The following CSMD1 variants were observed in gnomAD, a reference collection of about 807,000 sequenced individuals.
CSMD1 encodes CUB and sushi domain-containing protein 1.
A neutral mutation model predicts 417.5 loss-of-function variants in CSMD1; 213 were observed. That is an observed-to-expected ratio of 0.51 (90% CI 0.46 to 0.57). The LOEUF is 0.57. Among genes scored for constraint, CSMD1 ranks in the 20% least tolerant of loss-of-function variants. The pLI is 0.00. For missense variants in CSMD1, 6,923 were observed against 4,529.7 expected (o/e 1.53, Z -15.17); for synonymous variants, 2,862 against 1,736.8 (o/e 1.65, Z -16.11).
At chr8:3,510,257 C>G (rs1386093146) in intron 10 of CSMD1, among the ~76,000 whole-genome samples, 1 of 151,828 alleles carries the variant, frequency 6.6e-6, no homozygotes, top group Non-Finnish European at 1.5e-5. Context: ...TGCGCCGCGT[C>G]CCTTGCCTGC....
At chr8:3,730,602 T>G (rs968400186) in intron 6 of CSMD1, among the ~76,000 whole-genome samples, 1 of 152,118 alleles carries the variant, frequency 6.6e-6, no homozygotes, top group Non-Finnish European at 1.5e-5. Context: ...AGTGCCTACA[T>G]GTGCACCTCT....
chr8:4,407,056 G>T (rs1030483699), intron 3 of CSMD1, among the ~76,000 whole-genome samples: 1 of 152,108 alleles, frequency 6.6e-6, no homozygotes, highest in African/African-American at 2.4e-5. Context: ...ATTGAAACAC[G>T]GCCAAGGTCA....
At chr8:3,011,067 T>C (rs991082415) in intron 52 of CSMD1, among the ~76,000 whole-genome samples, 8 of 152,226 alleles carry the variant, frequency 5.3e-5, no homozygotes, top group African/African-American at 1.4e-4. Flanking sequence ...ATTTACCTTA[T>C]TTACTCCTTA....
chr8:3,955,683 A>G (rs998608573), intron 5 of CSMD1, among the ~76,000 whole-genome samples: 1 of 152,168 alleles, frequency 6.6e-6, no homozygotes, highest in Admixed American at 6.5e-5. Flanking sequence ...TCAGAGGATG[A>G]GGAAAGAGGA....
intron 37 of CSMD1, among the ~76,000 whole-genome samples, chr8:3,176,323 T>C (rs970021553): frequency 5.9e-5 from 9 of 151,986 alleles, no homozygotes; most frequent in African/African-American, 2.2e-4. Flanking sequence ...AATTCTGTAA[T>C]TTATCTGTGA....
chr8:4,227,952 C>T (rs1801460354), intron 3 of CSMD1, among the ~76,000 whole-genome samples: 1 of 151,092 alleles, frequency 6.6e-6, no homozygotes, highest in African/African-American at 2.4e-5. Flanking sequence ...CTCCATCCTG[C>T]ATTCAATCCC....
chr8:4,855,256 C>A (rs1563598250), intron 1 of CSMD1, among the ~76,000 whole-genome samples: 1 of 151,254 alleles, frequency 6.6e-6, no homozygotes, highest in Non-Finnish European at 1.5e-5. Context: ...CATCAAAAAC[C>A]CATCTGTACA....
chr8:4,845,344 G>A (rs1801080747), intron 1 of CSMD1, among the ~76,000 whole-genome samples: 1 of 152,084 alleles, frequency 6.6e-6, no homozygotes, highest in African/African-American at 2.4e-5. Flanking sequence ...AGCTAGCCAG[G>A]GGATACATAT....
intron 5 of CSMD1, among the ~76,000 whole-genome samples, chr8:3,866,319 T>G (rs957176228): frequency 1.3e-5 from 2 of 152,252 alleles, no homozygotes; most frequent in African/African-American, 4.8e-5. Flanking sequence ...AAAGGCTGGC[T>G]GAACCCTGGG....
At chr8:3,818,420 A>T (rs564537468) in intron 5 of CSMD1, among the ~76,000 whole-genome samples, 1 of 152,268 alleles carries the variant, frequency 6.6e-6, no homozygotes, top group Non-Finnish European at 1.5e-5. Flanking sequence ...AGCACCAAAC[A>T]ATTATTAACT....
At chr8:3,412,662 C>G (rs1487905579) in intron 12 of CSMD1, among the ~76,000 whole-genome samples, 1 of 152,184 alleles carries the variant, frequency 6.6e-6, no homozygotes, top group Non-Finnish European at 1.5e-5. Flanking sequence ...GGCTACCAAA[C>G]AAAGATGATC....
At chr8:4,059,640 T>C (rs1407750616) in intron 3 of CSMD1, among the ~76,000 whole-genome samples, 3 of 152,046 alleles carry the variant, frequency 2.0e-5, no homozygotes, top group African/African-American at 7.2e-5. Context: ...AAATACAAAC[T>C]GCCATCAGAG....
At chr8:3,354,706 T>C (rs1022990147) in intron 21 of CSMD1, among the ~76,000 whole-genome samples, 2 of 151,626 alleles carry the variant, frequency 1.3e-5, no homozygotes, top group African/African-American at 4.8e-5. Flanking sequence ...GAAACTAACA[T>C]TTTAGCTTAG....
At position 3,525,621 on chromosome 8, in the gene CSMD1, C is replaced by T. The variant is rs191611958; in HGVS notation, c.1345-31895G>A. On this transcript the variant is annotated intron_variant, in intron 10 of 69. Coordinates refer to ENST00000635120, the MANE Select transcript of CSMD1 (RefSeq NM_033225.6). Reference sequence around the variant, plus strand: ...CTAGGAGGGCATCGTATCTTCAAAACCTCTTGCCTGACATTCTATCAATCT... The same window carrying T: ...CTAGGAGGGCATCGTATCTTCAAAATCTCTTGCCTGACATTCTATCAATCT... Among the ~76,000 whole-genome samples, 6 of 152,260 alleles carry T rather than the reference C, an allele frequency of 3.9e-5. No homozygotes were observed. The East Asian group carries it at 5.8e-4, about 15-fold the overall frequency.
chr8:4,250,199 CCTGGT>C (rs1802969368), intron 3 of CSMD1, among the ~76,000 whole-genome samples: 1 of 152,152 alleles, frequency 6.6e-6, no homozygotes, highest in African/African-American at 2.4e-5. Flanking sequence ...TTACAAAGTA[CCTGGT>C]CTGTAGTATT....
intron 5 of CSMD1, among the ~76,000 whole-genome samples, chr8:3,791,169 T>G (rs2129067633): frequency 6.6e-6 from 1 of 152,292 alleles, no homozygotes; most frequent in South Asian, 2.1e-4. Flanking sequence ...TACTTATATT[T>G]TAGGAGCATT....
At chr8:4,064,906 C>A (rs1038108750) in intron 3 of CSMD1, among the ~76,000 whole-genome samples, 9 of 149,638 alleles carry the variant, frequency 6.0e-5, no homozygotes, top group Non-Finnish European at 1.3e-4. Context: ...GTGGTCAATT[C>A]CATTGAGAAT....
rs1799465814 is a variant in CSMD1, at chr8:3,677,988, G to A, written c.1009+30426C>T. 2.6e-5 allele frequency among the ~76,000 whole-genome samples: 4 copies of A among 152,256 alleles called. No homozygotes were observed. The South Asian group carries it at 8.3e-4, about 32-fold the overall frequency. ...CACTGACTTGGTGCAGGGACTCACA[G>A]CCTCCATCTGGGGTGTCTGCCTATC... On this transcript the variant is annotated intron_variant, in intron 7 of 69. Coordinates refer to ENST00000635120, the MANE Select transcript of CSMD1 (RefSeq NM_033225.6).
At position 4,513,926 on chromosome 8, in the gene CSMD1, T is replaced by G. The variant is rs56169508; in HGVS notation, c.303-93861A>C. Among the ~76,000 whole-genome samples the G allele has an allele frequency of 3.4e-4, 52 of 152,272 alleles. 1 individual carries two copies. Among genetic ancestry groups the G allele is most frequent in the African/African-American group, 1.2e-3 (51 of 41,558 alleles). On this transcript the variant is annotated intron_variant, in intron 2 of 69. Coordinates refer to ENST00000635120, the MANE Select transcript of CSMD1 (RefSeq NM_033225.6). ...GCTAATTTGAAGTGTGATGTCAAATTTCTCAAACCTGAGTGATCCAAAGAA... is the reference window on the plus strand; with the variant it reads ...GCTAATTTGAAGTGTGATGTCAAATGTCTCAAACCTGAGTGATCCAAAGAA...
Sources: allele counts gnomAD v4.1 joint callset (sites outside exome capture counted in the v4.1 genomes callset), GRCh38; gene constraint gnomAD v4.1.1; transcripts MANE v1.5; gene names NCBI Gene and HGNC (gene_info 2026-07-23, HGNC 2026-07-21).